APBA1: variants seen among roughly 807,000 people sequenced by gnomAD.
APBA1 encodes amyloid-beta A4 precursor protein-binding family A member 1.
Under a neutral mutation model 86.6 loss-of-function variants are expected in APBA1, and 55 were observed. That is an observed-to-expected ratio of 0.64 (90% CI 0.51 to 0.80). The LOEUF (loss-of-function observed/expected upper bound fraction) is 0.80, where lower values mean the gene tolerates loss of function less well. Among genes scored for constraint, APBA1 ranks in the 30% least tolerant of loss-of-function variants. The pLI is 0.00. For missense variants in APBA1, 1,090 were observed against 1,183.0 expected (o/e 0.92, Z 1.15); for synonymous variants, 511 against 493.9 (o/e 1.03, Z -0.46).
intron 1 of APBA1, among the ~76,000 whole-genome samples, chr9:69,660,704 C>A (rs1249754684): frequency 1.3e-5 from 2 of 152,058 alleles, no homozygotes; most frequent in East Asian, 3.8e-4. Flanking sequence ...AGGAAACATA[C>A]AAAAGCAACA....
At chr9:69,646,101 G>A (rs371997898) in intron 1 of APBA1, among the ~76,000 whole-genome samples, 4 of 152,160 alleles carry the variant, frequency 2.6e-5, no homozygotes, top group African/African-American at 9.7e-5. Context: ...ATTTTGATAA[G>A]CACCCAGGAG....
At chr9:69,570,414 T>C (rs1250208380) in intron 1 of APBA1, among the ~76,000 whole-genome samples, 3 of 152,206 alleles carry the variant, frequency 2.0e-5, no homozygotes, top group African/African-American at 7.2e-5. Flanking sequence ...CTCATGATCA[T>C]ATAGGATCAT....
chr9:69,619,196 A>G (rs1822765152), intron 1 of APBA1, among the ~76,000 whole-genome samples: 1 of 152,188 alleles, frequency 6.6e-6, no homozygotes, highest in Non-Finnish European at 1.5e-5. Context: ...GAGTGGAGAG[A>G]AGGAAACAGA....
chr9:69,510,867 A>G (rs1836024711), intron 2 of APBA1, among the ~76,000 whole-genome samples: 1 of 146,334 alleles, frequency 6.8e-6, no homozygotes, highest in Non-Finnish European at 1.5e-5. Context: ...CTGGCTAGCC[A>G]TATGTAGAAA....
In APBA1 at chr9:69,537,684, T is replaced by C. The variant is rs1385531285; in HGVS notation, c.-69-20405A>G. ...GTTGTCAATCTGGTAAGTGATGTTTTAACTTGAATTTCTCTGAAAACCAAT... is the reference window on the plus strand; with the variant it reads ...GTTGTCAATCTGGTAAGTGATGTTTCAACTTGAATTTCTCTGAAAACCAAT... On this transcript the variant is annotated intron_variant, in intron 1 of 12. Coordinates refer to ENST00000265381, the MANE Select transcript of APBA1 (RefSeq NM_001163.4). 2.0e-5 allele frequency among the ~76,000 whole-genome samples: 3 copies of C among 152,088 alleles called. 1 individual carries two copies. Among genetic ancestry groups the C allele is most frequent in the Non-Finnish European group, 4.4e-5 (3 of 67,968 alleles).
chr9:69,505,574 T>C (rs1197950943), intron 2 of APBA1, among the ~76,000 whole-genome samples: 1 of 152,116 alleles, frequency 6.6e-6, no homozygotes, highest in African/African-American at 2.4e-5. Context: ...TAAACGCCAT[T>C]TCAAGCTGTA....
In APBA1 at chr9:69,431,206, C is replaced by CTGTGTAAA. The variant is rs894031686; in HGVS notation, c.*113_*120dup. The CTGTGTAAA allele has an allele frequency of 1.5e-6, 1 of 659,514 alleles. No homozygotes were observed. Among genetic ancestry groups the CTGTGTAAA allele is most frequent in the Non-Finnish European group, 2.5e-6 (1 of 396,012 alleles). 40.9% of individuals were successfully genotyped at this position (659,514 alleles called of 1,614,324 possible). A position where few individuals can be genotyped will look rare whatever the true frequency, so the allele number is the denominator to read the frequency against. On this transcript the variant is annotated 3_prime_UTR_variant, in exon 13 of 13. Transcript: ENST00000265381. Reference sequence around the variant, plus strand: ...GAGGTCCTTGTGGATTCTTCTCTTCCTGTGTAAAACCAAATGCTGGGCGCG... The same window carrying CTGTGTAAA: ...GAGGTCCTTGTGGATTCTTCTCTTCCTGTGTAAATGTGTAAAACCAAATGCTGGGCGCG...
chr9:69,598,339 C>T (rs11139473), intron 1 of APBA1, among the ~76,000 whole-genome samples: 26,355 of 151,608 alleles, frequency 0.17, 2,407 homozygotes, highest in South Asian at 0.29. Context: ...TGCTAGGTGA[C>T]GAGTTAGTGG....
At chr9:69,512,218 A>G (rs1307463322) in intron 2 of APBA1, among the ~76,000 whole-genome samples, 1 of 152,178 alleles carries the variant, frequency 6.6e-6, no homozygotes, top group African/African-American at 2.4e-5. Flanking sequence ...CTAGAAGAAA[A>G]TCACATAAGT....
intron 1 of APBA1, among the ~76,000 whole-genome samples, chr9:69,547,053 C>T (rs915096089): frequency 2.6e-5 from 4 of 152,188 alleles, no homozygotes; most frequent in South Asian, 2.1e-4. Context: ...TGCTAGAAGA[C>T]ACTTATGAAT....
Position 69,449,696 on chromosome 9 carries a change from T to C in APBA1, c.2069A>G (p.His690Arg). ...CCCAGATTTCTCCGCAGGGCCACCA[T>C]GCATCATGTTGGCAATGATCACGGT... The part of the protein sequence containing the change: ...LPTVIIANMM[H>R]GGPAEKSGKL... The change falls in exon 10 of 13, where the codon CAT becomes CGT. Residue 690 changes from histidine to arginine, a missense_variant. Around this residue, in one of 6 missense-constraint regions of APBA1, gnomAD observed 97 missense variants for 166.8 expected, o/e 0.58. Transcript: ENST00000265381. 1 of 1,614,144 alleles carries C rather than the reference T, an allele frequency of 6.2e-7. No homozygotes were observed. The highest frequency in any genetic ancestry group is 8.5e-7 in the Non-Finnish European group (1 of 1,180,032).
chr9:69,517,146 T>A lies in APBA1; in HGVS notation c.65A>T (p.Asn22Ile). ...VTDEAAGGEV[N>I]ESVEADLEHP... ...CTCCAGGTCGGCCTCCACCGACTCG[T>A]TCACCTCCCCACCTGCCGCCTCGTC... Residue 22 changes from asparagine (N) to isoleucine (I), a missense_variant, in exon 2 of 13, where the codon AAC becomes ATC. Transcript: ENST00000265381. The A allele has an allele frequency of 6.4e-7, 1 of 1,568,072 alleles. No individual in the cohort carries two copies. Among genetic ancestry groups the A allele is most frequent in the South Asian group, 1.2e-5 (1 of 84,934 alleles).
intron 1 of APBA1, among the ~76,000 whole-genome samples, chr9:69,630,587 C>T (rs1192968278): frequency 6.6e-6 from 1 of 152,122 alleles, no homozygotes; most frequent in African/African-American, 2.4e-5. Flanking sequence ...CTCCCCAACA[C>T]TTCTCTTGAA....
rs118169897 is a variant in APBA1 at position 69,472,322 on chromosome 9, T to C, written c.1297-627A>G. ...AAAGGTCAGCGTTCTCACAGCACTGTTGGAAGCAGAGATGATGAGCTAGAC... is the reference window on the plus strand; with the variant it reads ...AAAGGTCAGCGTTCTCACAGCACTGCTGGAAGCAGAGATGATGAGCTAGAC... On this transcript the variant is annotated intron_variant, in intron 3 of 12. Transcript: ENST00000265381. 945 of 152,602 alleles carry C rather than the reference T, an allele frequency of 6.2e-3. 7 individuals are homozygous for C. The highest frequency in any genetic ancestry group is 0.02 in the Middle Eastern group (6 of 294). The allele number at this position is 152,602 out of a possible 1,614,324, so 9.5% of individuals were successfully genotyped here.
chr9:69,588,941 T>G (rs764282909), intron 1 of APBA1, among the ~76,000 whole-genome samples: 42 of 152,066 alleles, frequency 2.8e-4, no homozygotes, highest in Admixed American at 7.9e-4. Flanking sequence ...AGGGGAAGAA[T>G]AGTATCTTCT....
In APBA1 at chr9:69,489,120, G is replaced by GA. The variant is rs1229033040; in HGVS notation, c.1201-12978dup. On this transcript the variant is annotated intron_variant, in intron 2 of 12. Coordinates refer to ENST00000265381, the MANE Select transcript of APBA1 (RefSeq NM_001163.4). ...ACCAATGACTTTCTTCACAGAATTG[G>GA]AAAAAACTACTTTAAAGTTCATATG... 1.2e-3 allele frequency among the ~76,000 whole-genome samples: 185 copies of GA among 152,046 alleles called. 2 individuals carry two copies. The highest frequency in any genetic ancestry group is 4.2e-3 in the African/African-American group (174 of 41,496).
chr9:69,465,311 G>A (rs1386261214), intron 5 of APBA1: 1 of 152,182 alleles, frequency 6.6e-6, no homozygotes, highest in Non-Finnish European at 1.5e-5. Flanking sequence ...ACCAAACCTG[G>A]GGAAGCTAAC....
At chr9:69,551,586 T>C (rs1366447936) in intron 1 of APBA1, among the ~76,000 whole-genome samples, 2 of 152,206 alleles carry the variant, frequency 1.3e-5, no homozygotes, top group Admixed American at 1.3e-4. Flanking sequence ...TCTGTTTACT[T>C]TGTAAACATT....
At chr9:69,466,685 A>C (rs1170098763) in intron 5 of APBA1, among the ~76,000 whole-genome samples, 2 of 152,188 alleles carry the variant, frequency 1.3e-5, no homozygotes, top group Non-Finnish European at 2.9e-5. Flanking sequence ...ACAGCTCTTC[A>C]TGCCTAAGTG....
Sources: gnomAD v4.1 joint callset for allele counts (sites outside exome capture counted in the v4.1 genomes callset) on GRCh38, gnomAD v4.1.1 for gene constraint, gnomAD v4.1.1 regional missense constraint, MANE v1.5 for transcripts, NCBI Gene and HGNC (gene_info 2026-07-23, HGNC 2026-07-21) for gene names.